The following RAPGEF6 variants were observed in gnomAD, a reference collection of about 807,000 sequenced individuals.
The protein encoded by RAPGEF6 is Rap guanine nucleotide exchange factor 6.
Under a neutral mutation model 171.4 loss-of-function variants are expected in RAPGEF6, and 56 were observed. That is an observed-to-expected ratio of 0.33 (90% CI 0.26 to 0.41). The LOEUF (loss-of-function observed/expected upper bound fraction) is 0.41. Among genes scored for constraint, RAPGEF6 ranks in the 10% least tolerant of loss-of-function variants. The pLI, the probability that RAPGEF6 is intolerant of heterozygous loss-of-function variation, is 1.00. For missense variants in RAPGEF6, 1,674 were observed against 1,921.4 expected (o/e 0.87, Z 2.41); for synonymous variants, 692 against 650.1 (o/e 1.06, Z -0.98).
chr5:131,469,559 A>T (rs554168573), intron 17 of RAPGEF6, among the ~76,000 whole-genome samples: 3 of 152,240 alleles, frequency 2.0e-5, no homozygotes, highest in Admixed American at 2.0e-4. Flanking sequence ...CAGAAATCCC[A>T]AAGAACATTT....
At chr5:131,464,696 T>C (rs1029324543) in intron 17 of RAPGEF6, among the ~76,000 whole-genome samples, 2 of 152,288 alleles carry the variant, frequency 1.3e-5, no homozygotes, top group East Asian at 3.9e-4. Context: ...TTATTATAAA[T>C]GACATTATGA....
chr5:131,632,289 A>G (rs1440051127), intron 1 of RAPGEF6, among the ~76,000 whole-genome samples: 3 of 152,108 alleles, frequency 2.0e-5, no homozygotes, highest in Non-Finnish European at 4.4e-5. Context: ...GCATCAAAAC[A>G]TGCTCTCAAC....
intron 3 of RAPGEF6, among the ~76,000 whole-genome samples, chr5:131,599,503 TAC>T (rs10581966): frequency 0.25 from 37,216 of 151,546 alleles, 6,014 homozygotes; most frequent in Non-Finnish European, 0.37. Context: ...CACACAGAGA[TAC>T]ACACACACAC....
At chr5:131,600,376 GC>G (rs113752135) in intron 3 of RAPGEF6, among the ~76,000 whole-genome samples, 187 of 152,126 alleles carry the variant, frequency 1.2e-3, no homozygotes, top group African/African-American at 4.0e-3. Context: ...ACAAAAATTA[GC>G]CAGACGTGGT....
intron 7 of RAPGEF6, among the ~76,000 whole-genome samples, chr5:131,512,362 AT>A (rs757817969): frequency 1.2e-5 from 1 of 86,602 alleles, no homozygotes; most frequent in Non-Finnish European, 2.5e-5. Context: ...TTGGCTTTAC[AT>A]TTTTTTTCTT....
intron 6 of RAPGEF6, among the ~76,000 whole-genome samples, chr5:131,529,901 CTTTT>C (rs1162181624): frequency 8.3e-6 from 1 of 119,770 alleles, no homozygotes; most frequent in Non-Finnish European, 1.7e-5. Flanking sequence ...TTGTCTCCCT[CTTTT>C]TTTTTTTTTT....
At chr5:131,509,662 G>A (rs1019852430) in intron 8 of RAPGEF6, among the ~76,000 whole-genome samples, 1 of 152,136 alleles carries the variant, frequency 6.6e-6, no homozygotes, top group Non-Finnish European at 1.5e-5. Context: ...ACTGAACATT[G>A]TACTATGCTT....
intron 3 of RAPGEF6, among the ~76,000 whole-genome samples, chr5:131,592,777 CAGTTTAATTAA>C (rs1316487138): frequency 4.6e-5 from 7 of 152,106 alleles, no homozygotes. Flanking sequence ...AAATAAATTT[CAGTTTAATTAA>C]AGCTTTAAAG....
intron 4 of RAPGEF6, among the ~76,000 whole-genome samples, chr5:131,583,794 T>G (rs1376916082): frequency 6.6e-6 from 1 of 152,194 alleles, no homozygotes; most frequent in African/African-American, 2.4e-5. Context: ...ATAAATCTCT[T>G]TAAGATATTT....
intron 1 of RAPGEF6, among the ~76,000 whole-genome samples, chr5:131,610,820 C>T (rs893651262): frequency 5.3e-5 from 8 of 152,120 alleles, no homozygotes; most frequent in Admixed American, 5.2e-4. Context: ...GAACTTCAAA[C>T]CTATGTGAAG....
At chr5:131,607,579 G>A (rs1764684668) in intron 1 of RAPGEF6, among the ~76,000 whole-genome samples, 2 of 152,208 alleles carry the variant, frequency 1.3e-5, no homozygotes, top group Non-Finnish European at 2.9e-5. Context: ...AACACAGTCA[G>A]TGGGGGTTGG....
In RAPGEF6 at chr5:131,425,041, A is replaced by T. The variant is rs2149801196; in HGVS notation, c.*2225T>A. On this transcript the variant is annotated 3_prime_UTR_variant, in exon 28 of 28. Coordinates refer to ENST00000509018, the MANE Select transcript of RAPGEF6 (RefSeq NM_016340.6). ...TCAAAACCTCATGATTTTTTAAGGGATACATACATAACAAACTACAAAGCA... is the reference window on the plus strand; with the variant it reads ...TCAAAACCTCATGATTTTTTAAGGGTTACATACATAACAAACTACAAAGCA... The T allele has an allele frequency of 6.6e-6, 1 of 152,462 alleles. No homozygotes were observed. Among genetic ancestry groups the T allele is most frequent in the Non-Finnish European group, 1.5e-5 (1 of 68,022 alleles). The allele number at this position is 152,462 out of a possible 1,614,324, so 9.4% of individuals were successfully genotyped here. A position where few individuals can be genotyped will look rare whatever the true frequency, so the allele number is the denominator to read the frequency against.
At chr5:131,431,597 TA>T (rs1561458754) in intron 25 of RAPGEF6, among the ~76,000 whole-genome samples, 1 of 152,142 alleles carries the variant, frequency 6.6e-6, no homozygotes, top group Non-Finnish European at 1.5e-5. Flanking sequence ...TTTTTCTTTT[TA>T]AATTTTAAAA....
At chr5:131,487,752 C>G (rs1167581966) in intron 15 of RAPGEF6, among the ~76,000 whole-genome samples, 1 of 152,158 alleles carries the variant, frequency 6.6e-6, no homozygotes, top group Non-Finnish European at 1.5e-5. Flanking sequence ...GAACCAATGT[C>G]TTCTGGTCAC....
chr5:131,436,329 G>C, intron 24 of RAPGEF6: 3 of 1,537,516 alleles, frequency 2.0e-6, no homozygotes, highest in Non-Finnish European at 2.6e-6. Flanking sequence ...CACCTATTCC[G>C]GGGCAGCTCT....
chr5:131,490,300 C>A (rs539178868), intron 14 of RAPGEF6, among the ~76,000 whole-genome samples: 2 of 151,392 alleles, frequency 1.3e-5, no homozygotes, highest in East Asian at 3.9e-4. Flanking sequence ...GAACAGAGAG[C>A]AGATCTAGGG....
intron 3 of RAPGEF6, among the ~76,000 whole-genome samples, chr5:131,597,033 CA>C (rs928097233): frequency 5.4e-5 from 8 of 149,128 alleles, no homozygotes; most frequent in Middle Eastern, 3.4e-3. Context: ...AACTTAATAG[CA>C]AAAAAAAACT....
intron 6 of RAPGEF6, among the ~76,000 whole-genome samples, chr5:131,541,160 A>G (rs1760112588): frequency 6.6e-6 from 1 of 152,246 alleles, no homozygotes; most frequent in African/African-American, 2.4e-5. Context: ...TGCAAGTACT[A>G]TCCTATGGGA....
chr5:131,463,848 C>A, intron 18 of RAPGEF6, 193 bp downstream of exon 18: 2 of 1,244,988 alleles, frequency 1.6e-6, no homozygotes, highest in Non-Finnish European at 1.0e-6. Flanking sequence ...TATAAAAAAA[C>A]AGGAACTAGA....
Sources: allele counts gnomAD v4.1 joint callset (sites outside exome capture counted in the v4.1 genomes callset), GRCh38; gene constraint gnomAD v4.1.1; transcripts MANE v1.5; gene names NCBI Gene and HGNC (gene_info 2026-07-23, HGNC 2026-07-21).